The following ACSM3 variants were observed in gnomAD, a reference collection of about 807,000 sequenced individuals.
ACSM3 encodes acyl-CoA synthetase medium chain family member 3.
ACSM3 carries 61 observed loss-of-function variants against 74.1 expected under a neutral mutation model. That is an observed-to-expected ratio of 0.82 (90% CI 0.67 to 1.02). ACSM3 has a LOEUF of 1.02. Among genes scored for constraint, ACSM3 ranks in the 50% least tolerant of loss-of-function variants. The pLI, the probability that ACSM3 is intolerant of heterozygous loss-of-function variation, is 0.00. For missense variants in ACSM3, 660 were observed against 697.0 expected (o/e 0.95, Z 0.60); for synonymous variants, 213 against 241.5 (o/e 0.88, Z 1.09).
chr16:20,720,194 T>G (rs2079780531), intron 1 of ACSM3, among the ~76,000 whole-genome samples: 1 of 152,208 alleles, frequency 6.6e-6, no homozygotes, highest in Non-Finnish European at 1.5e-5. Flanking sequence ...TTACATTTAT[T>G]GTGTGCTTTA....
intron 1 of ACSM3, among the ~76,000 whole-genome samples, chr16:20,708,343 T>A (rs1210621841): frequency 6.6e-6 from 1 of 152,178 alleles, no homozygotes; most frequent in African/African-American, 2.4e-5. Context: ...CTTTTGGCAG[T>A]GCACAATTAT....
intron 1 of ACSM3, chr16:20,680,262 C>G (rs1000187317): frequency 6.6e-6 from 1 of 152,200 alleles, no homozygotes; most frequent in Non-Finnish European, 1.5e-5. Flanking sequence ...AGACTAGGAG[C>G]AGGCCTTGGA....
At chr16:20,777,187 G>T (rs185502355) in intron 3 of ACSM3, among the ~76,000 whole-genome samples, 186 bp from the exon 4 acceptor site, 7 of 152,186 alleles carry the variant, frequency 4.6e-5, no homozygotes, top group African/African-American at 1.4e-4. Flanking sequence ...AGCCAAAAGG[G>T]TCATAGACTC....
intron 4 of ACSM3, 192 bp from the exon 5 acceptor site, chr16:20,780,522 T>C: frequency 8.7e-7 from 1 of 1,154,146 alleles, no homozygotes. Context: ...ATGACAAAGT[T>C]TAGTTTTGAT....
At chr16:20,779,378 T>G (rs552502458) in intron 4 of ACSM3, among the ~76,000 whole-genome samples, 1 of 148,524 alleles carries the variant, frequency 6.7e-6, no homozygotes, top group African/African-American at 2.5e-5. Flanking sequence ...GAGCCATGAC[T>G]GAGCCACTGC....
chr16:20,764,482 C>G (rs557427338), intron 1 of ACSM3, among the ~76,000 whole-genome samples: 1 of 152,172 alleles, frequency 6.6e-6, no homozygotes, highest in Non-Finnish European at 1.5e-5. Flanking sequence ...CTTTAGGAGG[C>G]TATGGTGGGC....
chr16:20,791,929 A>G, intron 10 of ACSM3, 73 bp from the exon 11 acceptor site: 3 of 1,238,676 alleles, frequency 2.4e-6, no homozygotes, highest in South Asian at 1.6e-5. Flanking sequence ...CTGTCTCGGA[A>G]AAAAAAAAAA....
Position 20,775,930 on chromosome 16 carries a change from C to T in ACSM3, c.311C>T (p.Ser104Phe). The T allele has an allele frequency of 6.2e-7, 1 of 1,614,112 alleles. No individual in the cohort carries two copies. Among genetic ancestry groups the T allele is most frequent in the Non-Finnish European group, 8.5e-7 (1 of 1,180,014 alleles). ...AGTTTTGAGGAACTGGGATCTCTGTCCAGAAAATTTGCCAATATACTTTCA... is the reference window on the plus strand; with the variant it reads ...AGTTTTGAGGAACTGGGATCTCTGTTCAGAAAATTTGCCAATATACTTTCA... ...RWSFEELGSLSRKFANILSEA... is the reference protein window; with the variant it reads ...RWSFEELGSLFRKFANILSEA... The change falls in exon 3 of 14, where the codon TCC becomes TTC. Residue 104 changes from serine to phenylalanine, a missense_variant. By Grantham distance (155) the Ser-to-Phe change is radical. Transcript: ENST00000289416.
chr16:20,757,374 A>G (rs1426837425), intron 3 of ACSM3, among the ~76,000 whole-genome samples: 1 of 151,278 alleles, frequency 6.6e-6, no homozygotes, highest in Non-Finnish European at 1.5e-5. Context: ...TGGATTCCTA[A>G]GTATTTTATT....
chr16:20,771,371 CTTTTTTTTTTTTTTTT>C (rs57406215), intron 2 of ACSM3, among the ~76,000 whole-genome samples: 2 of 85,252 alleles, frequency 2.3e-5, no homozygotes, highest in African/African-American at 4.5e-5. Context: ...GGCCGAGCTC[CTTTTTTTTTTTTTTTT>C]TTTTTTTTTT....
chr16:20,791,927 G>GAAA, intron 10 of ACSM3, 75 bp from the exon 11 acceptor site: 25 of 1,289,678 alleles, frequency 1.9e-5, no homozygotes, highest in Non-Finnish European at 2.0e-5. Context: ...GACTGTCTCG[G>GAAA]AAAAAAAAAA....
At chr16:20,695,866 T>C (rs556483132) in intron 1 of ACSM3, among the ~76,000 whole-genome samples, 131 of 152,318 alleles carry the variant, frequency 8.6e-4, no homozygotes, top group African/African-American at 3.0e-3. Context: ...TATATCACTA[T>C]CTGTGTATAT....
intron 1 of ACSM3, among the ~76,000 whole-genome samples, chr16:20,766,426 G>A (rs1483623446): frequency 5.9e-5 from 9 of 152,136 alleles, no homozygotes; most frequent in East Asian, 1.9e-4. Context: ...GGCCGTGTGC[G>A]TGTTTGTGTA....
intron 1 of ACSM3, among the ~76,000 whole-genome samples, chr16:20,743,464 C>G (rs543499506): frequency 2.1e-4 from 32 of 152,182 alleles, no homozygotes; most frequent in African/African-American, 7.7e-4. Flanking sequence ...TTGAAGATGC[C>G]ACTTTTGAAG....
At chr16:20,780,676 G>A (rs1197080061) in intron 4 of ACSM3, 38 bp from the exon 5 acceptor site, 9 of 1,614,200 alleles carry the variant, frequency 5.6e-6, no homozygotes, top group Non-Finnish European at 6.8e-6. Flanking sequence ...CTGTGATGCT[G>A]TGTTTAACAT....
At chr16:20,710,470 T>C (rs952528687) in intron 1 of ACSM3, among the ~76,000 whole-genome samples, 1 of 152,208 alleles carries the variant, frequency 6.6e-6, no homozygotes, top group Non-Finnish European at 1.5e-5. Context: ...ATTAAAAGAA[T>C]TGTATCTCAG....
rs1489874508 is a variant in ACSM3, at chr16:20,770,210, A to G, written c.176A>G (p.Asn59Ser). 6.2e-7 allele frequency: 1 copy of G among 1,614,188 alleles called. No individual in the cohort carries two copies. The highest frequency in any genetic ancestry group is 8.5e-7 in the Non-Finnish European group (1 of 1,180,022). The change falls in exon 2 of 14, where the codon AAC becomes AGC. Residue 59 changes from asparagine (N) to serine (S), a missense_variant. Transcript: ENST00000289416. ...DFKLGIPEYF[N>S]FAKDVLDQWT... ...AAACTGGGGATTCCAGAGTATTTCAACTTTGCTAAAGATGTCCTGGACCAA... is the reference window on the plus strand; with the variant it reads ...AAACTGGGGATTCCAGAGTATTTCAGCTTTGCTAAAGATGTCCTGGACCAA...
upstream of ACSM3, among the ~76,000 whole-genome samples, chr16:20,763,377 C>G (rs2080093093): frequency 6.6e-6 from 1 of 152,120 alleles, no homozygotes; most frequent in Non-Finnish European, 1.5e-5. Context: ...GGAAAGAGTT[C>G]CAGTCAGTGG....
chr16:20,685,111 GGGTGCACAGCACCTAATA>G (rs1371278057), intron 1 of ACSM3: 1 of 1,454,100 alleles, frequency 6.9e-7, no homozygotes. Flanking sequence ...GTGCCAGGCT[GGGTGCACAGCACCTAATA>G]TCTCAGGACC....
Sources: allele counts gnomAD v4.1 joint callset (sites outside exome capture counted in the v4.1 genomes callset), GRCh38; gene constraint gnomAD v4.1.1; transcripts MANE v1.5; gene names NCBI Gene and HGNC (gene_info 2026-07-23, HGNC 2026-07-21).